The following ASTN1 variants were observed in gnomAD, a reference collection of about 807,000 sequenced individuals.
ASTN1 encodes astrotactin 1.
A neutral mutation model predicts 140.7 loss-of-function variants in ASTN1; 41 were observed. The ratio of observed to expected loss-of-function variants is 0.29; its 90% CI spans 0.23 to 0.38. The LOEUF (loss-of-function observed/expected upper bound fraction) is 0.38. Among genes scored for constraint, ASTN1 ranks in the 10% least tolerant of loss-of-function variants. ASTN1 has a pLI of 1.00. For synonymous variants in ASTN1, 640 were observed against 652.2 expected (o/e 0.98, Z 0.29); for missense variants, 1,479 against 1,678.8 (o/e 0.88, Z 2.08).
chr1:176,965,772 A>G (rs1036234781), intron 8 of ASTN1, among the ~76,000 whole-genome samples: 4 of 152,230 alleles, frequency 2.6e-5, no homozygotes, highest in African/African-American at 7.2e-5. Flanking sequence ...CAAAGACTGC[A>G]GCTCATATAG....
Position 176,944,005 on chromosome 1 carries a change from C to G in ASTN1, c.2263G>C (p.Ala755Pro). 1 of 1,613,804 alleles carries G rather than the reference C, an allele frequency of 6.2e-7. No homozygotes were observed. Among genetic ancestry groups the G allele is most frequent in the Non-Finnish European group, 8.5e-7 (1 of 1,179,922 alleles). Residue 755 changes from alanine to proline, a missense_variant, in exon 14 of 23, where the codon GCT becomes CCT. Coordinates refer to ENST00000361833, the MANE Select transcript of ASTN1 (RefSeq NM_004319.3). The part of the protein sequence containing the change: ...LKGTFRQNNF[A>P]RGLDQQLPDG... ...GGCAGTTGCTGGTCTAAACCACGAG[C>G]AAAGTTGTTTTGCCTAGAAAGAGGG...
At chr1:176,991,435 CCAAAAAAAAAAAAAA>C (rs1558014991) in intron 8 of ASTN1, among the ~76,000 whole-genome samples, 32 of 5,698 alleles carry the variant, frequency 5.6e-3, no homozygotes, top group Non-Finnish European at 0.011. Context: ...AAAAAAAAAA[CCAAAAAAAAAAAAAA>C]AAAAAAAACC....
Position 177,019,493 on chromosome 1 carries a change from G to C in ASTN1, c.1438+3911C>G, listed in dbSNP as rs954600300. On this transcript the variant is annotated intron_variant, in intron 7 of 22. Transcript: ENST00000361833. ...AAAAACATAAATTGTTATAGAATGAGAACTGTTAGAAGAGGTCACAGTGCT... is the reference window on the plus strand; with the variant it reads ...AAAAACATAAATTGTTATAGAATGACAACTGTTAGAAGAGGTCACAGTGCT... 9.8e-5 allele frequency among the ~76,000 whole-genome samples: 15 copies of C among 152,328 alleles called. 2 individuals carry two copies. The highest frequency in any genetic ancestry group is 9.2e-4 in the Admixed American group (14 of 15,300).
At chr1:177,136,975 T>C (rs1028692249) in intron 1 of ASTN1, among the ~76,000 whole-genome samples, 2 of 152,176 alleles carry the variant, frequency 1.3e-5, no homozygotes, top group Non-Finnish European at 2.9e-5. Context: ...CATTGCAGGA[T>C]GTTTGGCCGA....
At chr1:177,137,572 T>C (rs1682259203) in intron 1 of ASTN1, among the ~76,000 whole-genome samples, 1 of 152,186 alleles carries the variant, frequency 6.6e-6, no homozygotes, top group Non-Finnish European at 1.5e-5. Context: ...ATACACATAA[T>C]CCAGAGAGGT....
intron 7 of ASTN1, among the ~76,000 whole-genome samples, chr1:177,016,610 C>G (rs1675558793): frequency 6.6e-6 from 1 of 152,190 alleles, no homozygotes; most frequent in African/African-American, 2.4e-5. Flanking sequence ...AGGAGCCTGG[C>G]TTCATTGAGA....
chr1:176,881,392 G>T (rs1297666718), intron 20 of ASTN1, among the ~76,000 whole-genome samples: 1 of 152,156 alleles, frequency 6.6e-6, no homozygotes, highest in African/African-American at 2.4e-5. Flanking sequence ...TGTGGGTAAT[G>T]GCTGCACTCC....
At chr1:177,151,338 T>A (rs1256490566) in intron 1 of ASTN1, among the ~76,000 whole-genome samples, 1 of 151,948 alleles carries the variant, frequency 6.6e-6, no homozygotes, top group South Asian at 2.1e-4. Flanking sequence ...TTTCCCAGTA[T>A]CCTTTGCTGG....
At chr1:177,085,780 T>C (rs1463059327) in intron 1 of ASTN1, among the ~76,000 whole-genome samples, 2 of 152,152 alleles carry the variant, frequency 1.3e-5, no homozygotes, top group East Asian at 1.9e-4. Flanking sequence ...GTTTTCTCCT[T>C]TTCTCTTTCT....
chr1:176,872,297 C>G lies in ASTN1; in HGVS notation c.3464-3270G>C, dbSNP rs141174610. Among the ~76,000 whole-genome samples, 7 of 151,682 alleles carry G rather than the reference C, an allele frequency of 4.6e-5. No homozygotes were observed. In the East Asian group the frequency reaches 9.7e-4, roughly 21 times the overall value. On this transcript the variant is annotated intron_variant, in intron 21 of 22. Transcript: ENST00000361833. ...TTTCGAGTGCTTACTATGTGCCTGA[C>G]AGTTTTCTATGTACGTGCACTACGT...
intron 16 of ASTN1, among the ~76,000 whole-genome samples, chr1:176,901,031 T>C (rs1669744282): frequency 1.3e-5 from 2 of 152,196 alleles, no homozygotes; most frequent in African/African-American, 4.8e-5. Context: ...GCATACAAAA[T>C]GACTACACTA....
chr1:177,125,714 G>T (rs227508), intron 1 of ASTN1, among the ~76,000 whole-genome samples: 35,416 of 151,848 alleles, frequency 0.23, 6,528 homozygotes, highest in African/African-American at 0.52. Context: ...CTGTATTTTG[G>T]GACCTCAATC....
intron 1 of ASTN1, among the ~76,000 whole-genome samples, chr1:177,117,588 C>T (rs1253535666): frequency 1.3e-5 from 2 of 152,214 alleles, no homozygotes; most frequent in East Asian, 1.9e-4. Flanking sequence ...CTTCTTCAAG[C>T]ATCATCAGTG....
chr1:176,945,972 G>T lies in ASTN1; in HGVS notation c.2203C>A (p.His735Asn). ...TGTCCGGCAGCCACTTCCTTGGAAT[G>T]GTTGTTGTAACCAAAGAACATCTCC... ...FGEMFFGYNN[H>N]SKEVAAGQVL... The change falls in exon 13 of 23, where the codon CAT (histidine) becomes AAT (asparagine). Residue 735 changes from histidine (H) to asparagine (N), a missense_variant. Transcript: ENST00000361833. The T allele has an allele frequency of 6.2e-7, 1 of 1,613,922 alleles. No individual in the cohort carries two copies. The highest frequency in any genetic ancestry group is 8.5e-7 in the Non-Finnish European group (1 of 1,179,852).
intron 16 of ASTN1, among the ~76,000 whole-genome samples, chr1:176,904,705 C>T (rs972606575): frequency 2.6e-5 from 4 of 152,104 alleles, no homozygotes; most frequent in Non-Finnish European, 4.4e-5. Flanking sequence ...CATCCCCAGA[C>T]CACTCAGGAG....
intron 2 of ASTN1, among the ~76,000 whole-genome samples, chr1:177,056,313 C>T (rs967387427): frequency 6.6e-6 from 1 of 152,216 alleles, no homozygotes; most frequent in East Asian, 1.9e-4. Context: ...TTGTTCCCAA[C>T]ATTGTTTCTC....
chr1:177,029,364 A>G (rs763000804), intron 5 of ASTN1: 7 of 658,870 alleles, frequency 1.1e-5, no homozygotes, highest in South Asian at 9.8e-5. Context: ...GAAGAAATTG[A>G]GAGTCATCTG....
intron 2 of ASTN1, among the ~76,000 whole-genome samples, chr1:177,045,465 C>G (rs1208499103): frequency 6.6e-6 from 1 of 152,194 alleles, no homozygotes; most frequent in African/African-American, 2.4e-5. Flanking sequence ...CTGAAAATCC[C>G]TCTTCCTTCT....
At chr1:177,101,940 G>C (rs1156978610) in intron 1 of ASTN1, among the ~76,000 whole-genome samples, 1 of 152,138 alleles carries the variant, frequency 6.6e-6, no homozygotes, top group Non-Finnish European at 1.5e-5. Context: ...TCACTTCTTT[G>C]TGCCCCAAGG....
Sources: gnomAD v4.1 joint callset for allele counts (sites outside exome capture counted in the v4.1 genomes callset) on GRCh38, gnomAD v4.1.1 for gene constraint, MANE v1.5 for transcripts, NCBI Gene and HGNC (gene_info 2026-07-23, HGNC 2026-07-21) for gene names.